MRPL48: variants seen among roughly 807,000 people sequenced by gnomAD.
The protein encoded by MRPL48 is large ribosomal subunit protein mL48.
A neutral mutation model predicts 32.9 loss-of-function variants in MRPL48; 16 were observed. That is an observed-to-expected ratio of 0.49 (90% CI 0.33 to 0.74). The LOEUF (loss-of-function observed/expected upper bound fraction) is 0.74, where lower values mean the gene tolerates loss of function less well. Among genes scored for constraint, MRPL48 ranks in the 30% least tolerant of loss-of-function variants. The probability of loss-of-function intolerance (pLI) is 0.02; values close to 1 mark genes in which losing one functional copy is unlikely to be tolerated. For missense variants in MRPL48, 206 were observed against 245.3 expected (o/e 0.84, Z 1.07); for synonymous variants, 94 against 89.2 (o/e 1.05, Z -0.31).
chr11:73,801,330 C>T lies in MRPL48; in HGVS notation c.22-3697C>T, dbSNP rs934418527. 3.9e-5 allele frequency among the ~76,000 whole-genome samples: 6 copies of T among 152,236 alleles called. 1 individual carries two copies. In the East Asian group the frequency reaches 9.7e-4, roughly 24 times the overall value. On this transcript the variant is annotated intron_variant, in intron 1 of 7. Transcript: ENST00000310614. ...TTAATAGATCCCGGCCCTGGAGAGACTTTAGAGTCCTCTGATCTAACTTCA... is the reference window on the plus strand; with the variant it reads ...TTAATAGATCCCGGCCCTGGAGAGATTTTAGAGTCCTCTGATCTAACTTCA...
chr11:73,810,304 C>A (rs1947541337), intron 3 of MRPL48, among the ~76,000 whole-genome samples: 1 of 152,082 alleles, frequency 6.6e-6, no homozygotes, highest in African/African-American at 2.4e-5. Flanking sequence ...GGCGGATCAC[C>A]TTAGGTCAGG....
At chr11:73,812,233 C>T (rs1257286224) in intron 3 of MRPL48, among the ~76,000 whole-genome samples, 2 of 152,066 alleles carry the variant, frequency 1.3e-5, no homozygotes, top group African/African-American at 2.4e-5. Context: ...ATAGCAATTT[C>T]TTGTGTATCT....
intron 6 of MRPL48, among the ~76,000 whole-genome samples, chr11:73,861,358 G>GT (rs139908562): frequency 0.027 from 4,047 of 150,700 alleles, 185 homozygotes; most frequent in African/African-American, 0.091. Context: ...GAGCTAGTTT[G>GT]TTTTTTTTTG....
chr11:73,794,751 T>C (rs1388614976), intron 1 of MRPL48, among the ~76,000 whole-genome samples: 5 of 150,586 alleles, frequency 3.3e-5, no homozygotes, highest in Non-Finnish European at 1.5e-5. Flanking sequence ...TCTTTTCTTT[T>C]TTTTTTTTTT....
chr11:73,794,424 G>A (rs931901175), intron 1 of MRPL48, among the ~76,000 whole-genome samples: 1 of 150,282 alleles, frequency 6.7e-6, no homozygotes, highest in Non-Finnish European at 1.5e-5. Flanking sequence ...GCGTGGTGGC[G>A]CATGTGTGTA....
intron 4 of MRPL48, among the ~76,000 whole-genome samples, chr11:73,830,665 C>T (rs142174722): frequency 2.0e-4 from 31 of 152,214 alleles, no homozygotes; most frequent in African/African-American, 5.5e-4. Flanking sequence ...ATCCCTAAGA[C>T]GAGTAAATTC....
Position 73,824,414 on chromosome 11 carries a change from G to T in MRPL48, c.113-1294G>T, listed in dbSNP as rs146498922. Among the ~76,000 whole-genome samples, 475 of 151,862 alleles carry T rather than the reference G, an allele frequency of 3.1e-3. 1 individual carries two copies. The highest frequency in any genetic ancestry group is 0.011 in the African/African-American group (446 of 41,470). On this transcript the variant is annotated intron_variant, in intron 3 of 7. Transcript: ENST00000310614. ...AGCCTGACCAACATGGTGAAACCCC[G>T]ACTCTACTGAAAATAGAAAAATTAG...
At chr11:73,828,954 T>C (rs1947946988) in intron 4 of MRPL48, among the ~76,000 whole-genome samples, 1 of 152,092 alleles carries the variant, frequency 6.6e-6, no homozygotes. Flanking sequence ...GAAATAAAAT[T>C]AGTTTTGTTT....
At chr11:73,794,622 G>A (rs1947217136) in intron 1 of MRPL48, among the ~76,000 whole-genome samples, 3 of 152,102 alleles carry the variant, frequency 2.0e-5, no homozygotes, top group African/African-American at 7.2e-5. Context: ...GTGACCACAA[G>A]ATTGTAAAAT....
intron 1 of MRPL48, among the ~76,000 whole-genome samples, chr11:73,794,437 C>A (rs1317970076): frequency 6.6e-6 from 1 of 151,478 alleles, no homozygotes; most frequent in Non-Finnish European, 1.5e-5. Context: ...TGTGTGTAAT[C>A]CCAGCTACTC....
rs1163020387 is a variant in MRPL48, at chr11:73,852,351, A to G, written c.371+7375A>G. 7.1e-5 allele frequency among the ~76,000 whole-genome samples: 10 copies of G among 140,344 alleles called. No individual in the cohort carries two copies. The Admixed American group carries it at 7.3e-4, about 10-fold the overall frequency. 92.1% of individuals were successfully genotyped at this position (140,344 alleles called of 152,430 possible). A position where few individuals can be genotyped will look rare whatever the true frequency, so the allele number is the denominator to read the frequency against. On this transcript the variant is annotated intron_variant, in intron 5 of 7. Transcript: ENST00000310614. ...TTGCAAGCTATCTAGCTGACAAGGG[A>G]TTAATAACCAGAATATATAAGGAGC...
chr11:73,825,566 T>A (rs1947871951), intron 3 of MRPL48, 142 bp from the exon 4 acceptor site: 1 of 667,796 alleles, frequency 1.5e-6, no homozygotes, highest in Non-Finnish European at 2.5e-6. Context: ...GAGACTGTCT[T>A]GTACCAGAAG....
chr11:73,813,254 C>T lies in MRPL48; in HGVS notation c.112+4904C>T, dbSNP rs1947601142. Among the ~76,000 whole-genome samples the T allele has an allele frequency of 2.0e-5, 3 of 152,124 alleles. No individual in the cohort carries two copies. The South Asian group carries it at 6.2e-4, about 31-fold the overall frequency. On this transcript the variant is annotated intron_variant, in intron 3 of 7. Transcript: ENST00000310614. ...TGGCATGATCTTGGCTCACTGCAAC[C>T]TCTGCCTCCTAGGTTCAAGTGGTTC... is the stretch of plus-strand genomic sequence containing the variant.
chr11:73,788,027 G>A, intron 1 of MRPL48, 35 bp downstream of exon 1: 1 of 1,465,200 alleles, frequency 6.8e-7, no homozygotes, highest in Non-Finnish European at 9.4e-7. Flanking sequence ...GGCGCGGGGA[G>A]ATGGCGGACG....
chr11:73,845,575 C>A (rs986239331), intron 5 of MRPL48, among the ~76,000 whole-genome samples: 1 of 152,076 alleles, frequency 6.6e-6, no homozygotes. Flanking sequence ...GAGTTTGAGA[C>A]CTGCCTGGGC....
intron 4 of MRPL48, among the ~76,000 whole-genome samples, chr11:73,828,827 C>CA (rs991833788): frequency 6.7e-6 from 1 of 149,912 alleles, no homozygotes; most frequent in African/African-American, 2.5e-5. Flanking sequence ...ACATTTGCAA[C>CA]AAAAAAGTGT....
chr11:73,825,463 C>G (rs1255453811), intron 3 of MRPL48, among the ~76,000 whole-genome samples: 1 of 150,822 alleles, frequency 6.6e-6, no homozygotes, highest in Non-Finnish European at 1.5e-5. Context: ...TCCAGCTCTA[C>G]AAAAAATAAA....
chr11:73,817,752 G>T, intron 3 of MRPL48: 1 of 329,200 alleles, frequency 3.0e-6, no homozygotes, highest in South Asian at 2.6e-5. Context: ...AAAGCACACA[G>T]TTTTGTTGGT....
intron 1 of MRPL48, among the ~76,000 whole-genome samples, chr11:73,790,499 C>T (rs1217167928): frequency 1.3e-5 from 2 of 149,236 alleles, no homozygotes; most frequent in Non-Finnish European, 3.0e-5. Flanking sequence ...ATTCTTCTGC[C>T]TCAGCCTCTG....
Sources: gnomAD v4.1 joint callset for allele counts (sites outside exome capture counted in the v4.1 genomes callset) on GRCh38, gnomAD v4.1.1 for gene constraint, MANE v1.5 for transcripts, NCBI Gene and HGNC (gene_info 2026-07-23, HGNC 2026-07-21) for gene names.